The following KCNQ1 variants were observed in gnomAD, a reference collection of about 807,000 sequenced individuals.
KCNQ1 encodes potassium voltage-gated channel subfamily Q member 1.
A neutral mutation model predicts 72.4 loss-of-function variants in KCNQ1; 49 were observed. That is an observed-to-expected ratio of 0.68 (90% CI 0.54 to 0.86). KCNQ1 has a LOEUF of 0.86. Among genes scored for constraint, KCNQ1 ranks in the 40% least tolerant of loss-of-function variants. The probability of loss-of-function intolerance (pLI) is 0.00; values close to 1 mark genes in which losing one functional copy is unlikely to be tolerated. For synonymous variants in KCNQ1, 450 were observed against 412.6 expected (o/e 1.09, Z -1.10); for missense variants, 790 against 945.1 (o/e 0.84, Z 2.15).
In KCNQ1 at chr11:2,640,702, C is replaced by T. The variant is rs181201410; in HGVS notation, c.1394-21259C>T. 1.8e-5 allele frequency: 7 copies of T among 398,374 alleles called. No homozygotes were observed. The East Asian group carries it at 2.5e-4, about 14-fold the overall frequency. 24.7% of individuals were successfully genotyped at this position (398,374 alleles called of 1,614,324 possible). A position where few individuals can be genotyped will look rare whatever the true frequency, so the allele number is the denominator to read the frequency against. ...TCTATAGTTAGGAACATTTCAAGTC[C>T]TCTTTTTTATTTTGAAATATACATT... On this transcript the variant is annotated intron_variant, in intron 10 of 15. Transcript: ENST00000155840.
rs1437122086 is a variant in KCNQ1, at chr11:2,450,045, G to A, written c.386+4561G>A. Among the ~76,000 whole-genome samples, 1 of 152,170 alleles carries A rather than the reference G, an allele frequency of 6.6e-6. No individual in the cohort carries two copies. On this transcript the variant is annotated intron_variant, in intron 1 of 15. Transcript: ENST00000155840. This position sits in a 1 kb window ranked among gnomAD's most constrained non-coding sequence, Gnocchi z 7.9. Reference sequence around the variant, plus strand: ...GCACACGTCCTGGTCCTGAGCCCCTGCTCGGCCCTAGGCAGGGCCCCCAGT... The same window carrying A: ...GCACACGTCCTGGTCCTGAGCCCCTACTCGGCCCTAGGCAGGGCCCCCAGT...
chr11:2,783,421 A>G lies in KCNQ1; in HGVS notation c.1794+5384A>G, dbSNP rs1846858290. On this transcript the variant is annotated intron_variant, in intron 15 of 15. Coordinates refer to ENST00000155840, the MANE Select transcript of KCNQ1 (RefSeq NM_000218.3). The surrounding 1 kb of genome is among the most constrained non-coding windows in gnomAD (Gnocchi z 5.2). ...GTACTTGAAAACAAGGTATATTCTGACATTGTTGGGTGCAGTGTTATGTTC... is the reference window on the plus strand; with the variant it reads ...GTACTTGAAAACAAGGTATATTCTGGCATTGTTGGGTGCAGTGTTATGTTC... Among the ~76,000 whole-genome samples, 1 of 152,050 alleles carries G rather than the reference A, an allele frequency of 6.6e-6. No individual in the cohort carries two copies. The highest frequency in any genetic ancestry group is 2.1e-4 in the South Asian group (1 of 4,826).
chr11:2,471,815 C>T lies in KCNQ1; in HGVS notation c.386+26331C>T, dbSNP rs1419167907. ...GTGCATGTGTATATAGGTGTGTGTGCACGTGTATGGGTGCGTGTGCACCTA... is the reference window on the plus strand; with the variant it reads ...GTGCATGTGTATATAGGTGTGTGTGTACGTGTATGGGTGCGTGTGCACCTA... On this transcript the variant is annotated intron_variant, in intron 1 of 15. Coordinates refer to ENST00000155840, the MANE Select transcript of KCNQ1 (RefSeq NM_000218.3). The surrounding 1 kb of genome is among the most constrained non-coding windows in gnomAD (Gnocchi z 4.8). Among the ~76,000 whole-genome samples the T allele has an allele frequency of 6.6e-6, 1 of 151,054 alleles. No individual in the cohort carries two copies. The highest frequency in any genetic ancestry group is 2.0e-4 in the East Asian group (1 of 5,102).
In KCNQ1 at chr11:2,631,787, A is replaced by G. The variant is rs553065248; in HGVS notation, c.1394-30174A>G. ...GCTGAGGTCAGCAGTGGCAAACATT[A>G]CAAAGGTCCTTGGTGGCCAAGGCTG... On this transcript the variant is annotated intron_variant, in intron 10 of 15. Coordinates refer to ENST00000155840, the MANE Select transcript of KCNQ1 (RefSeq NM_000218.3). 7 of 398,686 alleles carry G rather than the reference A, an allele frequency of 1.8e-5. No homozygotes were observed. In the East Asian group the frequency reaches 2.5e-4, roughly 14 times the overall value. The allele number at this position is 398,686 out of a possible 1,614,324, so 24.7% of individuals were successfully genotyped here.
chr11:2,464,170 G>A lies in KCNQ1; in HGVS notation c.386+18686G>A, dbSNP rs765335576. Among the ~76,000 whole-genome samples the A allele has an allele frequency of 4.6e-5, 7 of 152,136 alleles. No individual in the cohort carries two copies. The highest frequency in any genetic ancestry group is 1.2e-4 in the African/African-American group (5 of 41,418). On this transcript the variant is annotated intron_variant, in intron 1 of 15. Coordinates refer to ENST00000155840, the MANE Select transcript of KCNQ1 (RefSeq NM_000218.3). This position sits in a 1 kb window ranked among gnomAD's most constrained non-coding sequence, Gnocchi z 5.0. ...TGCCATCAGCAGATACAAGCTGTAC[G>A]CAGTGGGCCGCAGGCGCTCCCTGGG...
chr11:2,650,145 T>C (rs1849734843), intron 10 of KCNQ1: 1 of 398,406 alleles, frequency 2.5e-6, no homozygotes, highest in South Asian at 1.3e-4. Flanking sequence ...TTTGGTTCTT[T>C]TTCATATCTA....
chr11:2,539,686 C>T (rs942768050), intron 2 of KCNQ1, among the ~76,000 whole-genome samples: 15 of 152,346 alleles, frequency 9.8e-5, no homozygotes, highest in African/African-American at 3.6e-4. Flanking sequence ...CCGCCTTCCC[C>T]ATAGTCCAGG....
At position 2,585,313 on chromosome 11, in the gene KCNQ1, G is replaced by T. The variant is rs558595162; in HGVS notation, c.1128+6G>T. On this transcript the variant is annotated splice_donor_region_variant and intron_variant, in intron 8 of 15. Coordinates refer to ENST00000155840, the MANE Select transcript of KCNQ1 (RefSeq NM_000218.3). ...CGGCAGCCTCACTCATTCAGGTGCG[G>T]TGCCTGCAAGGCCCTGGTCACTGTC... The T allele has an allele frequency of 6.2e-7, 1 of 1,611,580 alleles. No individual in the cohort carries two copies. The highest frequency in any genetic ancestry group is 8.5e-7 in the Non-Finnish European group (1 of 1,177,966).
At position 2,678,691 on chromosome 11, in the gene KCNQ1, A is replaced by C; in HGVS notation, c.1514+16610A>C. On this transcript the variant is annotated intron_variant, in intron 11 of 15. Transcript: ENST00000155840. The surrounding 1 kb of genome is among the most constrained non-coding windows in gnomAD (Gnocchi z 4.9). ...AGGGGAATTCATGGCATGGCCTAAGATCTAAACACTCTTAAGATTTAAACA... is the reference window on the plus strand; with the variant it reads ...AGGGGAATTCATGGCATGGCCTAAGCTCTAAACACTCTTAAGATTTAAACA... 2.5e-6 allele frequency: 1 copy of C among 398,604 alleles called. No individual in the cohort carries two copies. The allele number at this position is 398,604 out of a possible 1,614,324, so 24.7% of individuals were successfully genotyped here.
Position 2,679,169 on chromosome 11 carries a change from C to T in KCNQ1, c.1514+17088C>T. 2.5e-6 allele frequency: 1 copy of T among 398,638 alleles called. No homozygotes were observed. Among genetic ancestry groups the T allele is most frequent in the Non-Finnish European group, 4.4e-6 (1 of 226,084 alleles). The allele number at this position is 398,638 out of a possible 1,614,324, so 24.7% of individuals were successfully genotyped here. On this transcript the variant is annotated intron_variant, in intron 11 of 15. Transcript: ENST00000155840. The surrounding 1 kb of genome is among the most constrained non-coding windows in gnomAD (Gnocchi z 4.8). ...GAGTTGGGCAGCAGCGACTCAGTTTCCATGTCTGAGTTAGGCCACCTGTAA... is the reference window on the plus strand; with the variant it reads ...GAGTTGGGCAGCAGCGACTCAGTTTTCATGTCTGAGTTAGGCCACCTGTAA...
rs1846871924 is a variant in KCNQ1 at position 2,784,080 on chromosome 11, C to T, written c.1794+6043C>T. Among the ~76,000 whole-genome samples the T allele has an allele frequency of 6.6e-6, 1 of 151,916 alleles. No individual in the cohort carries two copies. The highest frequency in any genetic ancestry group is 2.4e-5 in the African/African-American group (1 of 41,422). On this transcript the variant is annotated intron_variant, in intron 15 of 15. Coordinates refer to ENST00000155840, the MANE Select transcript of KCNQ1 (RefSeq NM_000218.3). This position sits in a 1 kb window ranked among gnomAD's most constrained non-coding sequence, Gnocchi z 4.7. ...ACTCTGCCTAATCCAAAGCCATAAA[C>T]ATTTTCTCCTGTTTTGTTTTGGGTT...
intron 11 of KCNQ1, among the ~76,000 whole-genome samples, chr11:2,758,711 C>G (rs1415510461): frequency 6.6e-6 from 1 of 152,252 alleles, no homozygotes; most frequent in African/African-American, 2.4e-5. Context: ...CCCTGAAACA[C>G]TACCCAGCAG....
chr11:2,717,085 G>T lies in KCNQ1; in HGVS notation c.1515-51759G>T, dbSNP rs528352903. On this transcript the variant is annotated intron_variant, in intron 11 of 15. Coordinates refer to ENST00000155840, the MANE Select transcript of KCNQ1 (RefSeq NM_000218.3). Reference sequence around the variant, plus strand: ...GGTGCTGCTTGTCCACCATGAAGTGGCCGGGGCTCTGCTCAGGGACCCAGG... The same window carrying T: ...GGTGCTGCTTGTCCACCATGAAGTGTCCGGGGCTCTGCTCAGGGACCCAGG... Among the ~76,000 whole-genome samples the T allele has an allele frequency of 2.0e-5, 3 of 152,288 alleles. No individual in the cohort carries two copies. In the South Asian group the frequency reaches 6.2e-4, roughly 32 times the overall value.
In KCNQ1 at chr11:2,455,683, T is replaced by C. The variant is rs531850590; in HGVS notation, c.386+10199T>C. Among the ~76,000 whole-genome samples, 11 of 152,314 alleles carry C rather than the reference T, an allele frequency of 7.2e-5. No individual in the cohort carries two copies. The South Asian group carries it at 2.3e-3, about 32-fold the overall frequency. ...AATGCTATTCCTATCAAACTACCAA[T>C]GCCACTTTTCATAGAATTAGAAAAA... On this transcript the variant is annotated intron_variant, in intron 1 of 15. Coordinates refer to ENST00000155840, the MANE Select transcript of KCNQ1 (RefSeq NM_000218.3).
chr11:2,556,469 C>A (rs1268214930), intron 2 of KCNQ1, among the ~76,000 whole-genome samples: 1 of 152,202 alleles, frequency 6.6e-6, no homozygotes, highest in Non-Finnish European at 1.5e-5. Flanking sequence ...ATTTGATTAG[C>A]ACACGGCCAC....
In KCNQ1 at chr11:2,659,624, C is replaced by T. The variant is rs552075199; in HGVS notation, c.1394-2337C>T. 29 of 398,426 alleles carry T rather than the reference C, an allele frequency of 7.3e-5. No homozygotes were observed. In the Admixed American group the frequency reaches 8.4e-4, roughly 11 times the overall value. The allele number at this position is 398,426 out of a possible 1,614,324, so 24.7% of individuals were successfully genotyped here. On this transcript the variant is annotated intron_variant, in intron 10 of 15. Coordinates refer to ENST00000155840, the MANE Select transcript of KCNQ1 (RefSeq NM_000218.3). The surrounding 1 kb of genome is among the most constrained non-coding windows in gnomAD (Gnocchi z 4.3). ...CAATTCACTTGGGTGGGAAAGGAAC[C>T]GATAGGTCATGTGGTATGTGTATGT...
In KCNQ1 at chr11:2,620,807, A is replaced by G. The variant is rs117601636; in HGVS notation, c.1393+31953A>G. ...GCTGAACTAATTTGTATTCCTGCCAACAGTGTATAAGCGTTCCCTTTTCTC... is the reference window on the plus strand; with the variant it reads ...GCTGAACTAATTTGTATTCCTGCCAGCAGTGTATAAGCGTTCCCTTTTCTC... On this transcript the variant is annotated intron_variant, in intron 10 of 15. Transcript: ENST00000155840. The surrounding 1 kb of genome is among the most constrained non-coding windows in gnomAD (Gnocchi z 4.5). 4,287 of 398,632 alleles carry G rather than the reference A, an allele frequency of 0.011. 133 individuals are homozygous for G. The highest frequency in any genetic ancestry group is 0.092 in the East Asian group (2,570 of 28,076). 24.7% of individuals were successfully genotyped at this position (398,632 alleles called of 1,614,324 possible).
Position 2,446,089 on chromosome 11 carries a change from A to G in KCNQ1, c.386+605A>G, listed in dbSNP as rs766317662. Among the ~76,000 whole-genome samples the G allele has an allele frequency of 6.6e-6, 1 of 152,186 alleles. No homozygotes were observed. Among genetic ancestry groups the G allele is most frequent in the African/African-American group, 2.4e-5 (1 of 41,450 alleles). On this transcript the variant is annotated intron_variant, in intron 1 of 15. Coordinates refer to ENST00000155840, the MANE Select transcript of KCNQ1 (RefSeq NM_000218.3). This position sits in a 1 kb window ranked among gnomAD's most constrained non-coding sequence, Gnocchi z 8.8. ...GGCTTGATGCAGAGAGCGGAGAGGC[A>G]CGTTTGCAGCTCTCACTAAGAGGCA... is the stretch of plus-strand genomic sequence containing the variant.
rs1230703435 is a variant in KCNQ1, at chr11:2,541,982, G to C, written c.477+13964G>C. ...GCTGCACCGTGGGGTCCCCTGGCTT[G>C]GGGTGGGCCTCAGAGGCTGTCGCCG... On this transcript the variant is annotated intron_variant, in intron 2 of 15. Coordinates refer to ENST00000155840, the MANE Select transcript of KCNQ1 (RefSeq NM_000218.3). The surrounding 1 kb of genome is among the most constrained non-coding windows in gnomAD (Gnocchi z 4.8). Among the ~76,000 whole-genome samples, 1 of 152,176 alleles carries C rather than the reference G, an allele frequency of 6.6e-6. No homozygotes were observed. The highest frequency in any genetic ancestry group is 1.9e-4 in the East Asian group (1 of 5,162).
Sources: allele counts gnomAD v4.1 joint callset (sites outside exome capture counted in the v4.1 genomes callset), GRCh38; gene constraint gnomAD v4.1.1; non-coding constraint Gnocchi (gnomAD v3.1); transcripts MANE v1.5; gene names NCBI Gene and HGNC (gene_info 2026-07-23, HGNC 2026-07-21).